Variants in PLAAT2 observed in about 807,000 individuals in gnomAD.
PLAAT2 encodes the protein phospholipase A and acyltransferase 2.
In PLAAT2, 12 loss-of-function variants were observed where a neutral mutation model predicts 12.8. The observed-to-expected ratio is 0.94, with a 90% CI of 0.60 to 1.52. PLAAT2 has a LOEUF of 1.52. Ranked by LOEUF, PLAAT2 falls within the 40% of genes most tolerant of loss-of-function variation. The probability of loss-of-function intolerance (pLI) is 0.00; values close to 1 mark genes in which losing one functional copy is unlikely to be tolerated. For missense variants in PLAAT2, 166 were observed against 208.1 expected, an observed-to-expected ratio of 0.80 and a Z score of 1.24; for synonymous variants, 79 against 86.8, an observed-to-expected ratio of 0.91 and a Z score of 0.50.
Position 63,554,786 on chromosome 11 carries a change from A to C in PLAAT2, c.388-1721T>G, listed in dbSNP as rs184799112. On this transcript the variant is annotated intron_variant, in intron 3 of 3. Coordinates refer to ENST00000255695, the MANE Select transcript of PLAAT2 (RefSeq NM_017878.2). Reference sequence around the variant, plus strand: ...GCGACCAAATAGCAGATTTCTGTGGAGTATCAATGAATTTGAAGCATGTGA... The same window carrying C: ...GCGACCAAATAGCAGATTTCTGTGGCGTATCAATGAATTTGAAGCATGTGA... Among the ~76,000 whole-genome samples the C allele has an allele frequency of 3.6e-3, 544 of 152,322 alleles. 2 individuals are homozygous for C. Among genetic ancestry groups the C allele is most frequent in the Non-Finnish European group, 6.4e-3 (437 of 68,022 alleles).
intron 3 of PLAAT2, among the ~76,000 whole-genome samples, chr11:63,557,183 AT>A (rs1475923909): frequency 6.6e-6 from 1 of 151,808 alleles, no homozygotes; most frequent in Non-Finnish European, 1.5e-5. Context: ...TACATTTATG[AT>A]TTTTTAAAGT....
upstream of PLAAT2, chr11:63,563,454 C>T (rs1321116901): frequency 9.0e-7 from 1 of 1,111,706 alleles, no homozygotes; most frequent in East Asian, 2.5e-5. Flanking sequence ...TGCGGTGGCT[C>T]ACACCTGTAA....
intron 2 of PLAAT2, 141 bp downstream of exon 2, chr11:63,559,944 C>A: frequency 1.7e-6 from 1 of 583,922 alleles, no homozygotes. Flanking sequence ...CTACATCTAG[C>A]AGGAAAAAGC....
Position 63,553,006 on chromosome 11 carries a change from A to G in PLAAT2, c.447T>C (p.Leu149=), listed in dbSNP as rs371617772. The G allele has an allele frequency of 1.9e-5, 30 of 1,613,998 alleles. No homozygotes were observed. Among genetic ancestry groups the G allele is most frequent in the South Asian group, 3.3e-5 (3 of 91,054 alleles). ...VAAGLLAAAS[L]VGILLARSKR... ...TGCTTCTGGCCAGCAGGATCCCCACAAGGCTTGCGGCAGCCAGCAGGCCTG... is the reference window on the plus strand; with the variant it reads ...TGCTTCTGGCCAGCAGGATCCCCACGAGGCTTGCGGCAGCCAGCAGGCCTG... Residue 149 remains leucine (L), a synonymous_variant, in exon 4 of 4, where the codon CTT becomes CTC. Coordinates refer to ENST00000255695, the MANE Select transcript of PLAAT2 (RefSeq NM_017878.2).
At position 63,559,967 on chromosome 11, in the gene PLAAT2, G is replaced by A. The variant is rs185610177; in HGVS notation, c.118+118C>T. ...AGCAGGAAAAAGCACAATTCATTCA[G>A]CATTATGTATTGAGTGCCTACTCTG... is the stretch of plus-strand genomic sequence containing the variant. On this transcript the variant is annotated intron_variant, in intron 2 of 3. Transcript: ENST00000255695. 8 of 642,242 alleles carry A rather than the reference G, an allele frequency of 1.2e-5. No individual in the cohort carries two copies. In the Middle Eastern group the frequency reaches 7.9e-4, roughly 64 times the overall value. The allele number at this position is 642,242 out of a possible 1,614,324, so 39.8% of individuals were successfully genotyped here. A position where few individuals can be genotyped will look rare whatever the true frequency, so the allele number is the denominator to read the frequency against.
intron 1 of PLAAT2, 64 bp downstream of exon 1, chr11:63,563,251 TA>T: frequency 6.3e-7 from 1 of 1,595,318 alleles, no homozygotes. Flanking sequence ...AGAATACACA[TA>T]ATCATCACTA....
At chr11:63,553,917 T>C (rs759151053) in intron 3 of PLAAT2, among the ~76,000 whole-genome samples, 8 of 152,052 alleles carry the variant, frequency 5.3e-5, no homozygotes, top group Non-Finnish European at 8.8e-5. Flanking sequence ...TGCTGGCCCA[T>C]GAGGAGCATT....
At chr11:63,563,239 C>T in intron 1 of PLAAT2, 77 bp downstream of exon 1, 2 of 1,566,700 alleles carry the variant, frequency 1.3e-6, no homozygotes, top group South Asian at 1.1e-5. Context: ...TGTAGACCAA[C>T]AAGAATACAC....
intron 3 of PLAAT2, among the ~76,000 whole-genome samples, chr11:63,557,404 G>A (rs2017475591): frequency 6.6e-6 from 1 of 151,930 alleles, no homozygotes; most frequent in Admixed American, 6.6e-5. Context: ...GCACATTCCT[G>A]TAGTCCCAGC....
At chr11:63,555,490 C>A (rs1185809753) in intron 3 of PLAAT2, among the ~76,000 whole-genome samples, 1 of 152,116 alleles carries the variant, frequency 6.6e-6, no homozygotes, top group African/African-American at 2.4e-5. Flanking sequence ...AAGATTGAGA[C>A]CAGTCTGGGC....
chr11:63,563,410 GCCCA>G, upstream of PLAAT2: 2 of 1,555,664 alleles, frequency 1.3e-6, no homozygotes, highest in Non-Finnish European at 1.8e-6. Context: ...CTGTGACCCA[GCCCA>G]TATACAACTA....
intron 1 of PLAAT2, among the ~76,000 whole-genome samples, chr11:63,562,880 C>G (rs2017530872): frequency 6.6e-6 from 1 of 152,146 alleles, no homozygotes; most frequent in Admixed American, 6.5e-5. Flanking sequence ...CCCATTGCCA[C>G]CCACACAGCT....
chr11:63,557,242 T>C (rs1223998654), intron 3 of PLAAT2, among the ~76,000 whole-genome samples: 1 of 152,202 alleles, frequency 6.6e-6, no homozygotes, highest in Non-Finnish European at 1.5e-5. Context: ...GTTTTTTAAG[T>C]TATCTTGGAC....
At chr11:63,565,067 A>G (rs1163237649), upstream of PLAAT2, among the ~76,000 whole-genome samples, 2 of 152,122 alleles carry the variant, frequency 1.3e-5, no homozygotes, top group African/African-American at 2.4e-5. Flanking sequence ...GGGCCAGTGG[A>G]ATGAGAATTC....
At chr11:63,556,829 C>T (rs1282603863) in intron 3 of PLAAT2, among the ~76,000 whole-genome samples, 1 of 152,210 alleles carries the variant, frequency 6.6e-6, no homozygotes, top group Admixed American at 6.5e-5. Flanking sequence ...TGCTCCTAAA[C>T]AAAGAGGGCT....
intron 3 of PLAAT2, among the ~76,000 whole-genome samples, chr11:63,557,025 C>T (rs937123846): frequency 2.6e-5 from 4 of 152,160 alleles, no homozygotes; most frequent in Admixed American, 6.5e-5. Context: ...TTGACAATAA[C>T]ACCTGGCTCG....
chr11:63,553,056 C>A lies in PLAAT2; in HGVS notation c.397G>T (p.Ala133Ser). 1.2e-6 allele frequency: 2 copies of A among 1,611,412 alleles called. No homozygotes were observed. The highest frequency in any genetic ancestry group is 1.7e-6 in the Non-Finnish European group (2 of 1,178,048). ...GVSRSDQVTGAVTTVGVAAGL... is the reference protein window; with the variant it reads ...GVSRSDQVTGSVTTVGVAAGL... ...GCTGCCACACCTACTGTCGTGACTG[C>A]ACCAGTGACCTGCAGCAGAAGAGAA... Residue 133 changes from alanine to serine, a missense_variant, in exon 4 of 4, where the codon GCA becomes TCA. By Grantham distance (99) the Ala-to-Ser change is moderately conservative (BLOSUM62 1). Coordinates refer to ENST00000255695, the MANE Select transcript of PLAAT2 (RefSeq NM_017878.2).
At chr11:63,558,320 G>A in intron 3 of PLAAT2, 72 bp downstream of exon 3, 1 of 1,555,584 alleles carries the variant, frequency 6.4e-7, no homozygotes, top group African/African-American at 1.4e-5. Flanking sequence ...CCTGGCCCCA[G>A]CAGGGACCCA....
At chr11:63,559,903 C>T (rs929837726) in intron 2 of PLAAT2, among the ~76,000 whole-genome samples, 182 bp downstream of exon 2, 1 of 152,170 alleles carries the variant, frequency 6.6e-6, no homozygotes, top group African/African-American at 2.4e-5. Context: ...AGTCTCTCCA[C>T]CAATTTACTG....
Sources: gnomAD v4.1 joint callset for allele counts (sites outside exome capture counted in the v4.1 genomes callset) on GRCh38, gnomAD v4.1.1 for gene constraint, MANE v1.5 for transcripts, NCBI Gene and HGNC (gene_info 2026-07-23, HGNC 2026-07-21) for gene names.